Variants in SIM2 observed in about 807,000 individuals in gnomAD.
SIM2 encodes the protein single-minded homolog 2.
Under a neutral mutation model 64.8 loss-of-function variants are expected in SIM2, and 28 were observed. The ratio of observed to expected loss-of-function variants is 0.43; its 90% CI spans 0.32 to 0.59. The LOEUF (loss-of-function observed/expected upper bound fraction) is 0.59, where lower values mean the gene tolerates loss of function less well. Ranked by LOEUF, SIM2 falls within the 20% of genes least tolerant of loss-of-function variation. The probability of loss-of-function intolerance (pLI) is 0.07; values close to 1 mark genes in which losing one functional copy is unlikely to be tolerated. For synonymous variants in SIM2, 408 were observed against 391.1 expected (o/e 1.04, Z -0.51); for missense variants, 847 against 871.4 (o/e 0.97, Z 0.35).
At chr21:36,700,006 G>A in intron 1 of SIM2, 85 bp downstream of exon 1, 1 of 1,396,812 alleles carries the variant, frequency 7.2e-7, no homozygotes, top group Non-Finnish European at 9.6e-7. Flanking sequence ...CCCGCCCAGA[G>A]GGGTTGCCGC....
At chr21:36,709,529 G>A in intron 2 of SIM2, 1 of 602,606 alleles carries the variant, frequency 1.7e-6, no homozygotes, top group Non-Finnish European at 3.1e-6. Flanking sequence ...GGCGCCTCCC[G>A]AGCGTGGTCA....
At position 36,744,604 on chromosome 21, in the gene SIM2, G is replaced by C. The variant is rs987151907; in HGVS notation, c.1168-124G>C. On this transcript the variant is annotated intron_variant, in intron 9 of 10. Coordinates refer to ENST00000290399, the MANE Select transcript of SIM2 (RefSeq NM_005069.6). Reference sequence around the variant, plus strand: ...CCTGTCCCCAGTGGGACCTTGCAGTGGTGGCGAGGGTAGGGGCAGCCCTTG... The same window carrying C: ...CCTGTCCCCAGTGGGACCTTGCAGTCGTGGCGAGGGTAGGGGCAGCCCTTG... 1.5e-5 allele frequency: 18 copies of C among 1,202,288 alleles called. No individual in the cohort carries two copies. The African/African-American group carries it at 2.6e-4, about 17-fold the overall frequency. 74.5% of individuals were successfully genotyped at this position (1,202,288 alleles called of 1,614,324 possible).
rs2089312044 is a variant in SIM2, at chr21:36,749,760, C to T, written c.*1668C>T. The T allele has an allele frequency of 6.6e-6, 1 of 152,096 alleles. No homozygotes were observed. The highest frequency in any genetic ancestry group is 1.5e-5 in the Non-Finnish European group (1 of 68,028). 9.4% of individuals were successfully genotyped at this position (152,096 alleles called of 1,614,324 possible). The stretch of plus-strand genomic sequence containing the variant: ...GTGTAGGTTTGATTACTAGGAGATA[C>T]CACCGACATTTTTCAATAAAGTACT... On this transcript the variant is annotated 3_prime_UTR_variant, in exon 11 of 11. Transcript: ENST00000290399.
In SIM2 at chr21:36,747,655, G is replaced by T; in HGVS notation, c.1577-10G>T. 8.0e-7 allele frequency: 1 copy of T among 1,244,064 alleles called. No individual in the cohort carries two copies. Among genetic ancestry groups the T allele is most frequent in the Non-Finnish European group, 1.0e-6 (1 of 995,004 alleles). 77.1% of individuals were successfully genotyped at this position (1,244,064 alleles called of 1,614,324 possible). On this transcript the variant is annotated splice_polypyrimidine_tract_variant and intron_variant, in intron 10 of 10. Transcript: ENST00000290399. This position sits in a 1 kb window ranked among gnomAD's most constrained non-coding sequence, Gnocchi z 4.5. ...CTTGCTGCCCTCTAACGTGTCGCCT[G>T]TCCCCGCAGCGCCCGCCGCCGCCGT...
At chr21:36,744,680 TC>T in intron 9 of SIM2, 47 bp from the exon 10 acceptor site, 3 of 1,513,892 alleles carry the variant, frequency 2.0e-6, no homozygotes, top group Non-Finnish European at 2.7e-6. Context: ...GAAGGCAGCT[TC>T]CTGCCGGCCC....
rs1555874342 is a variant in SIM2, at chr21:36,710,604, A to AT, written c.258+1355dup. 4 of 53,242 alleles carry AT rather than the reference A, an allele frequency of 7.5e-5. No homozygotes were observed. In the African/African-American group the frequency reaches 8.3e-4, roughly 11 times the overall value. 3.3% of individuals were successfully genotyped at this position (53,242 alleles called of 1,614,324 possible). On this transcript the variant is annotated intron_variant, in intron 2 of 10. Transcript: ENST00000290399. ...TTTTGTGTTTTACTTTAAAATAATA[A>AT]TAAAAAAAATGTTGGCTGCAGGACG... is the stretch of plus-strand genomic sequence containing the variant.
chr21:36,723,133 ACGGGGAGTCATGGGTG>A lies in SIM2; in HGVS notation c.543+11_543+26del, dbSNP rs750104945. On this transcript the variant is annotated splice_donor_5th_base_variant and intron_variant, in intron 5 of 10. Transcript: ENST00000290399. ...GCCTGACCTGCAGCGGATACAAGGTACGGGGAGTCATGGGTGCGGGGAGGAGCTGGCTAAGGGTCTT... is the reference window on the plus strand; with the variant it reads ...GCCTGACCTGCAGCGGATACAAGGTACGGGGAGGAGCTGGCTAAGGGTCTT... 3 of 1,613,170 alleles carry A rather than the reference ACGGGGAGTCATGGGTG, an allele frequency of 1.9e-6. No homozygotes were observed. Among genetic ancestry groups the A allele is most frequent in the Non-Finnish European group, 2.5e-6 (3 of 1,179,174 alleles).
chr21:36,741,611 T>G (rs2089159328), intron 7 of SIM2, 106 bp from the exon 8 acceptor site: 10 of 1,342,840 alleles, frequency 7.4e-6, no homozygotes, highest in Admixed American at 1.9e-5. Context: ...GCCCCCTTTG[T>G]CAAGTTCTCA....
chr21:36,723,204 A>G, intron 5 of SIM2, 74 bp downstream of exon 5: 1 of 1,254,578 alleles, frequency 8.0e-7, no homozygotes, highest in Non-Finnish European at 1.2e-6. Flanking sequence ...CGTCTGCAGA[A>G]AGGAAGGCAC....
chr21:36,736,839 C>T (rs1261520630), intron 7 of SIM2, among the ~76,000 whole-genome samples: 1 of 95,726 alleles, frequency 1.0e-5, no homozygotes, highest in African/African-American at 5.6e-5. Context: ...TTCTTTCTTT[C>T]TCTTTCTTTT....
intron 1 of SIM2, among the ~76,000 whole-genome samples, chr21:36,704,680 C>T (rs1240985512): frequency 6.6e-6 from 1 of 152,176 alleles, no homozygotes; most frequent in Non-Finnish European, 1.5e-5. Flanking sequence ...GGGCGGCGTC[C>T]GAACTCCCCA....
At chr21:36,727,575 C>G (rs1318265778) in intron 6 of SIM2, among the ~76,000 whole-genome samples, 1 of 152,210 alleles carries the variant, frequency 6.6e-6, no homozygotes, top group Admixed American at 6.5e-5. Flanking sequence ...TAGACGGAAG[C>G]ATTGGAAACA....
In SIM2 at chr21:36,731,121, G is replaced by A. The variant is rs773456534; in HGVS notation, c.820G>A (p.Val274Met). 38 of 1,613,844 alleles carry A rather than the reference G, an allele frequency of 2.4e-5. No individual in the cohort carries two copies. Among genetic ancestry groups the A allele is most frequent in the East Asian group, 1.6e-4 (7 of 44,898 alleles). ...ATACCATCACGTGCACGGCTGCGAC[G>A]TGTTCCACCTCCGCTACGCACACCA... Reference protein sequence around the residue: ...TLYHHVHGCDVFHLRYAHHLL... With the variant: ...TLYHHVHGCDMFHLRYAHHLL... Residue 274 changes from valine to methionine, a missense_variant, in exon 7 of 11, where the codon GTG (valine) becomes ATG (methionine). Val to Met is a conservative substitution (Grantham distance 21). This residue lies in a region of SIM2 where 397 missense variants were observed against 439.2 expected (regional missense o/e 0.90). Transcript: ENST00000290399.
rs1352203601 is a variant in SIM2 at position 36,747,306 on chromosome 21, G to C, written c.1577-359G>C. 6.6e-6 allele frequency among the ~76,000 whole-genome samples: 1 copy of C among 151,668 alleles called. No homozygotes were observed. Among genetic ancestry groups the C allele is most frequent in the African/African-American group, 2.4e-5 (1 of 41,260 alleles). Reference sequence around the variant, plus strand: ...TGAACATGGAAATGTGGCCAGTGCAGTGAGGCAGGTGTGACCTGCGCTCTG... The same window carrying C: ...TGAACATGGAAATGTGGCCAGTGCACTGAGGCAGGTGTGACCTGCGCTCTG... On this transcript the variant is annotated intron_variant, in intron 10 of 10. Transcript: ENST00000290399. The surrounding 1 kb of genome is among the most constrained non-coding windows in gnomAD (Gnocchi z 4.5).
chr21:36,703,431 G>T (rs1184322131), intron 1 of SIM2, among the ~76,000 whole-genome samples: 2 of 152,204 alleles, frequency 1.3e-5, no homozygotes, highest in African/African-American at 4.8e-5. Context: ...TGTGCAGTGA[G>T]GGGGGAATCC....
rs1343814434 is a variant in SIM2, at chr21:36,744,924, G to A, written c.1364G>A (p.Ser455Asn). 3.1e-6 allele frequency: 5 copies of A among 1,614,112 alleles called. No individual in the cohort carries two copies. Among genetic ancestry groups the A allele is most frequent in the Non-Finnish European group, 4.2e-6 (5 of 1,180,054 alleles). ...GHFPLDSHVF[S>N]SKKPMLPAKF... Reference sequence around the variant, plus strand: ...TTCCCTCTGGACTCTCACGTCTTCAGCAGCAAAAAGCCAATGTTGCCGGCC... The same window carrying A: ...TTCCCTCTGGACTCTCACGTCTTCAACAGCAAAAAGCCAATGTTGCCGGCC... Residue 455 changes from serine (S) to asparagine (N), a missense_variant, in exon 10 of 11, where the codon AGC (serine) becomes AAC (asparagine). Ser to Asn is a conservative substitution (Grantham distance 46). This residue lies in a region of SIM2 where 447 missense variants were observed against 414.6 expected (regional missense o/e 1.08). Coordinates refer to ENST00000290399, the MANE Select transcript of SIM2 (RefSeq NM_005069.6).
rs2123464660 is a variant in SIM2 at position 36,726,425 on chromosome 21, T to G, written c.743+107T>G. On this transcript the variant is annotated intron_variant, in intron 6 of 10. Transcript: ENST00000290399. This position sits in a 1 kb window ranked among gnomAD's most constrained non-coding sequence, Gnocchi z 4.5. ...TGGCCAAATCATAACAAGGAATAAG[T>G]CATAATAGGAATGTGGATTAAGCAA... The G allele has an allele frequency of 1.0e-6, 1 of 976,420 alleles. No homozygotes were observed. The highest frequency in any genetic ancestry group is 1.5e-6 in the Non-Finnish European group (1 of 656,104). 60.5% of individuals were successfully genotyped at this position (976,420 alleles called of 1,614,324 possible).
chr21:36,743,595 A>C (rs2089192290), intron 9 of SIM2, 40 bp downstream of exon 9: 19 of 1,590,358 alleles, frequency 1.2e-5, no homozygotes, highest in Non-Finnish European at 1.6e-5. Context: ...GCTGACATCT[A>C]TCCTAGGGGT....
intron 7 of SIM2, among the ~76,000 whole-genome samples, chr21:36,731,831 G>C (rs576839521): frequency 3.9e-5 from 6 of 152,262 alleles, no homozygotes; most frequent in African/African-American, 1.4e-4. Flanking sequence ...GGATGCTCTA[G>C]TCACTGAAAT....
Sources: allele counts gnomAD v4.1 joint callset (sites outside exome capture counted in the v4.1 genomes callset), GRCh38; gene constraint gnomAD v4.1.1; regional missense constraint gnomAD v4.1.1; non-coding constraint Gnocchi (gnomAD v3.1); transcripts MANE v1.5; gene names NCBI Gene and HGNC (gene_info 2026-07-23, HGNC 2026-07-21).